The following TRDMT1 variants were observed in gnomAD, a reference collection of about 807,000 sequenced individuals.
TRDMT1 encodes tRNA aspartic acid methyltransferase 1.
TRDMT1 carries 49 observed loss-of-function variants against 51.2 expected under a neutral mutation model. The ratio of observed to expected loss-of-function variants is 0.96; its 90% CI spans 0.76 to 1.21. The LOEUF is 1.21. Among genes scored for constraint, TRDMT1 ranks in the 50% most tolerant of loss-of-function variants. TRDMT1 has a pLI of 0.00. For synonymous variants in TRDMT1, 187 were observed against 164.6 expected (o/e 1.14, Z -1.04); for missense variants, 534 against 462.3 (o/e 1.16, Z -1.42).
chr10:17,162,433 C>A (rs563038395), intron 3 of TRDMT1, among the ~76,000 whole-genome samples, 196 bp from the exon 4 acceptor site: 2 of 152,134 alleles, frequency 1.3e-5, no homozygotes, highest in East Asian at 3.8e-4. Context: ...GGGGTCCAGG[C>A]GCAGAGGCTC....
chr10:17,200,111 T>A (rs1021345634), intron 1 of TRDMT1, among the ~76,000 whole-genome samples: 1 of 152,240 alleles, frequency 6.6e-6, no homozygotes, highest in East Asian at 1.9e-4. Flanking sequence ...TAAGTCTTAC[T>A]GTTGAATTAA....
chr10:17,195,086 T>A (rs977830248), intron 1 of TRDMT1, among the ~76,000 whole-genome samples: 6 of 151,990 alleles, frequency 3.9e-5, no homozygotes, highest in African/African-American at 1.5e-4. Flanking sequence ...AAAACAAAAC[T>A]ACCATTCAAC....
chr10:17,176,347 G>T (rs11254423), intron 1 of TRDMT1, among the ~76,000 whole-genome samples: 2 of 151,904 alleles, frequency 1.3e-5, no homozygotes, highest in African/African-American at 4.8e-5. Flanking sequence ...TTCAGGCAGA[G>T]TGAAAATGTA....
rs115151199 is a variant in TRDMT1, at chr10:17,190,174, T to C, written c.64+11397A>G. 8.1e-3 allele frequency among the ~76,000 whole-genome samples: 1,237 copies of C among 152,262 alleles called. 24 individuals carry two copies. Among genetic ancestry groups the C allele is most frequent in the African/African-American group, 0.028 (1,169 of 41,560 alleles). ...AAAAATGAGATATAATTTTACGCTT[T>C]TAGACAAGAGGAGAGCTGGTTGGCA... On this transcript the variant is annotated intron_variant, in intron 1 of 10. Transcript: ENST00000377799.
At position 17,148,215 on chromosome 10, in the gene TRDMT1, G is replaced by C; in HGVS notation, c.*825C>G. 1.0e-6 allele frequency: 1 copy of C among 985,394 alleles called. No individual in the cohort carries two copies. Among genetic ancestry groups the C allele is most frequent in the Non-Finnish European group, 1.2e-6 (1 of 829,936 alleles). 61.0% of individuals were successfully genotyped at this position (985,394 alleles called of 1,614,324 possible). A position where few individuals can be genotyped will look rare whatever the true frequency, so the allele number is the denominator to read the frequency against. ...CTACAATAAAGAACAACTGGGGGGA[G>C]GGGAGTACTGTCATATGACATGGGA... On this transcript the variant is annotated 3_prime_UTR_variant, in exon 11 of 11. Coordinates refer to ENST00000377799, the MANE Select transcript of TRDMT1 (RefSeq NM_004412.7).
intron 8 of TRDMT1, among the ~76,000 whole-genome samples, chr10:17,157,068 A>G (rs1049448231): frequency 6.6e-6 from 1 of 152,338 alleles, no homozygotes. Flanking sequence ...TTAAAATTTA[A>G]TTTCTTATTA....
chr10:17,161,180 C>T (rs911715039), intron 5 of TRDMT1, among the ~76,000 whole-genome samples: 14 of 152,174 alleles, frequency 9.2e-5, no homozygotes, highest in Non-Finnish European at 2.1e-4. Flanking sequence ...AACATTTCTA[C>T]TTCCACAGAA....
At chr10:17,175,299 A>T (rs906442735) in intron 1 of TRDMT1, among the ~76,000 whole-genome samples, 10 of 152,246 alleles carry the variant, frequency 6.6e-5, no homozygotes, top group African/African-American at 2.4e-4. Context: ...GAATAAGGGA[A>T]ATAATTATAA....
intron 2 of TRDMT1, chr10:17,169,504 C>T (rs948175089): frequency 3.1e-6 from 4 of 1,289,656 alleles, no homozygotes; most frequent in East Asian, 5.5e-5. Context: ...TCCTAATGGG[C>T]TAAGTAGCTG....
intron 1 of TRDMT1, among the ~76,000 whole-genome samples, chr10:17,197,319 C>G (rs923510732): frequency 6.6e-6 from 1 of 151,872 alleles, no homozygotes; most frequent in Admixed American, 6.6e-5. Context: ...TGTACAGGAA[C>G]AGAAAGGAAC....
At chr10:17,168,096 G>A (rs936585995) in intron 3 of TRDMT1, among the ~76,000 whole-genome samples, 2 of 152,108 alleles carry the variant, frequency 1.3e-5, no homozygotes, top group Non-Finnish European at 1.5e-5. Flanking sequence ...TGAGCCCAGG[G>A]CTTTTAGGCC....
At chr10:17,188,928 C>G (rs1844315721) in intron 1 of TRDMT1, among the ~76,000 whole-genome samples, 1 of 152,138 alleles carries the variant, frequency 6.6e-6, no homozygotes. Context: ...GGTCATCCTC[C>G]TAAAAATTAC....
chr10:17,157,016 T>G (rs972894481), intron 8 of TRDMT1, among the ~76,000 whole-genome samples: 2 of 152,228 alleles, frequency 1.3e-5, no homozygotes, highest in Admixed American at 6.5e-5. Context: ...ATTTAAAAGT[T>G]ACCCTAGTAT....
rs762073654 is a variant in TRDMT1, at chr10:17,146,967, A to C, written c.*2073T>G. The C allele has an allele frequency of 2.7e-5, 27 of 985,348 alleles. No individual in the cohort carries two copies. The highest frequency in any genetic ancestry group is 2.7e-5 in the Non-Finnish European group (22 of 829,940). 61.0% of individuals were successfully genotyped at this position (985,348 alleles called of 1,614,324 possible). ...AGAATCACCGTCTTCCTGTGAATAC[A>C]TTCCCATAATTTAAGAATTCCACTA... On this transcript the variant is annotated 3_prime_UTR_variant, in exon 11 of 11. Transcript: ENST00000377799.
intron 4 of TRDMT1, 127 bp from the exon 5 acceptor site, chr10:17,161,675 T>G (rs1840377495): frequency 3.6e-6 from 2 of 548,620 alleles, no homozygotes; most frequent in African/African-American, 1.9e-5. Flanking sequence ...TGGAATTTTA[T>G]AAGGCTGGAG....
intron 9 of TRDMT1, among the ~76,000 whole-genome samples, chr10:17,154,344 C>T (rs1414606500): frequency 1.3e-5 from 2 of 151,954 alleles, no homozygotes; most frequent in Admixed American, 6.6e-5. Context: ...CAAAGGAGGG[C>T]TCCAATATTA....
chr10:17,144,197 T>C lies in TRDMT1; in HGVS notation c.*4843A>G. On this transcript the variant is annotated 3_prime_UTR_variant, in exon 11 of 11. Coordinates refer to ENST00000377799, the MANE Select transcript of TRDMT1 (RefSeq NM_004412.7). ...CTCTTTCACTCTCATCCTCTGACCC[T>C]CTAGGTGATCTCATCTGATTATAGA... The C allele has an allele frequency of 1.0e-6, 1 of 985,738 alleles. No individual in the cohort carries two copies. The highest frequency in any genetic ancestry group is 1.2e-6 in the Non-Finnish European group (1 of 829,964). 61.1% of individuals were successfully genotyped at this position (985,738 alleles called of 1,614,324 possible). A position where few individuals can be genotyped will look rare whatever the true frequency, so the allele number is the denominator to read the frequency against.
chr10:17,189,298 T>C (rs1332226680), intron 1 of TRDMT1, among the ~76,000 whole-genome samples: 1 of 152,164 alleles, frequency 6.6e-6, no homozygotes, highest in Non-Finnish European at 1.5e-5. Flanking sequence ...TTTACAGTCA[T>C]GAAGGAAATG....
At chr10:17,156,327 C>A (rs962643919) in intron 8 of TRDMT1, among the ~76,000 whole-genome samples, 19 of 151,940 alleles carry the variant, frequency 1.3e-4, no homozygotes, top group Non-Finnish European at 1.8e-4. Flanking sequence ...CTCTGCCCCC[C>A]AGATTCAAGC....
Sources: allele counts gnomAD v4.1 joint callset (sites outside exome capture counted in the v4.1 genomes callset), GRCh38; gene constraint gnomAD v4.1.1; transcripts MANE v1.5; gene names NCBI Gene and HGNC (gene_info 2026-07-23, HGNC 2026-07-21).